Variants in IL1RAPL2 observed in about 807,000 individuals in gnomAD.
IL1RAPL2 encodes interleukin 1 receptor accessory protein like 2.
IL1RAPL2 carries 3 observed loss-of-function variants against 44.1 expected under a neutral mutation model. That is an observed-to-expected ratio of 0.07 (90% confidence interval 0.03 to 0.18). The LOEUF is 0.18. IL1RAPL2 is among the 10% of genes least tolerant of loss of function. The probability of loss-of-function intolerance (pLI) is 1.00; values close to 1 mark genes in which losing one functional copy is unlikely to be tolerated. For missense variants in IL1RAPL2, 391 were observed against 496.4 expected, an observed-to-expected ratio of 0.79 and a Z score of 2.02; for synonymous variants, 181 against 178.8, an observed-to-expected ratio of 1.01 and a Z score of -0.10.
intron 6 of IL1RAPL2, among the ~76,000 whole-genome samples, chrX:105,666,933 C>A (rs1384661382): frequency 8.9e-6 from 1 of 111,773 alleles, no homozygotes; most frequent in African/African-American, 3.3e-5. Context: ...ACATCACGCG[C>A]TGTTGGCTCA....
intron 1 of IL1RAPL2, among the ~76,000 whole-genome samples, chrX:104,590,519 C>A (rs1309925736): frequency 8.9e-6 from 1 of 112,119 alleles, no homozygotes; most frequent in Non-Finnish European, 1.9e-5. Flanking sequence ...CATAGTCTTT[C>A]TTCCCCTATC....
At chrX:105,482,896 AG>A (rs748514507) in intron 5 of IL1RAPL2, among the ~76,000 whole-genome samples, 83 of 110,776 alleles carry the variant, frequency 7.5e-4, no homozygotes, top group African/African-American at 2.6e-3. Context: ...ACATAAATAC[AG>A]AATCAGTTAA....
At chrX:105,484,224 C>T (rs1200718240) in intron 5 of IL1RAPL2, 89 bp from the exon 6 acceptor site, 4 of 714,068 alleles carry the variant, frequency 5.6e-6, no homozygotes, top group Non-Finnish European at 8.9e-6. Context: ...ATCAAGTCTA[C>T]AAACATTAAA....
chrX:105,409,852 A>ACAGG (rs2035680843), intron 5 of IL1RAPL2, among the ~76,000 whole-genome samples: 3 of 80,540 alleles, frequency 3.7e-5, no homozygotes, highest in African/African-American at 1.2e-4. Flanking sequence ...AGATAGACAG[A>ACAGG]CAGACAGACA....
At chrX:105,005,725 A>T (rs2030930714) in intron 2 of IL1RAPL2, among the ~76,000 whole-genome samples, 1 of 110,765 alleles carries the variant, frequency 9.0e-6, no homozygotes, top group African/African-American at 3.3e-5. Flanking sequence ...TTCATAAAGA[A>T]TAGTCAATAT....
At chrX:105,227,212 A>G (rs905750062) in intron 3 of IL1RAPL2, among the ~76,000 whole-genome samples, 1 of 111,145 alleles carries the variant, frequency 9.0e-6, no homozygotes, top group Non-Finnish European at 1.9e-5. Flanking sequence ...CCTAAAACTT[A>G]AAGTATAATA....
chrX:105,569,120 AC>A (rs1316685491), intron 6 of IL1RAPL2, among the ~76,000 whole-genome samples: 1 of 112,173 alleles, frequency 8.9e-6, no homozygotes, highest in Non-Finnish European at 1.9e-5. Context: ...CATCCTGCCA[AC>A]AAAAGAAACA....
chrX:105,304,174 A>G (rs1412466063), intron 5 of IL1RAPL2, among the ~76,000 whole-genome samples: 3 of 112,765 alleles, frequency 2.7e-5, no homozygotes, highest in African/African-American at 9.7e-5. Context: ...TCATTGCCCA[A>G]TGCACACAGC....
intron 2 of IL1RAPL2, among the ~76,000 whole-genome samples, chrX:104,953,949 G>A (rs532407093): frequency 1.2e-4 from 13 of 111,660 alleles, no homozygotes; most frequent in African/African-American, 2.9e-4. Flanking sequence ...GAACAGTAGT[G>A]AGGAGGATAG....
chrX:104,590,021 T>C (rs1427264127), intron 1 of IL1RAPL2, among the ~76,000 whole-genome samples: 1 of 111,635 alleles, frequency 9.0e-6, no homozygotes, highest in Admixed American at 9.5e-5. Context: ...CTACCATCCA[T>C]AGTAGCCTAA....
chrX:104,848,086 A>T (rs931460508), intron 2 of IL1RAPL2, among the ~76,000 whole-genome samples: 8 of 109,865 alleles, frequency 7.3e-5, no homozygotes, highest in Non-Finnish European at 1.3e-4. Context: ...GCTTAAGGAG[A>T]TTTTGGGCTG....
Position 105,438,282 on chromosome X carries a change from A to C in IL1RAPL2, c.698-46031A>C, listed in dbSNP as rs151242560. 7.8e-3 allele frequency among the ~76,000 whole-genome samples: 872 copies of C among 111,303 alleles called. 9 individuals are homozygous for C. Among genetic ancestry groups the C allele is most frequent in the African/African-American group, 0.027 (836 of 30,611 alleles). ...CCTGGTTAAGTACCAGATAATGGGT[A>C]TGTGCCAAAGATTAAGGGGAGCCTT... On this transcript the variant is annotated intron_variant, in intron 5 of 10. Transcript: ENST00000372582.
chrX:105,544,315 C>A (rs1217704060), intron 6 of IL1RAPL2, among the ~76,000 whole-genome samples: 1 of 109,720 alleles, frequency 9.1e-6, no homozygotes, highest in African/African-American at 3.3e-5. Context: ...GATTCCATAT[C>A]TCTTTTTAGA....
intron 2 of IL1RAPL2, among the ~76,000 whole-genome samples, chrX:105,012,674 C>CACACACACACACACAG (rs1258556672): frequency 1.5e-4 from 12 of 81,282 alleles, no homozygotes; most frequent in African/African-American, 6.5e-4. Flanking sequence ...CACACACACA[C>CACACACACACACACAG]AGAGAGAGAG....
intron 1 of IL1RAPL2, among the ~76,000 whole-genome samples, chrX:104,642,314 T>C (rs1004607156): frequency 8.9e-6 from 1 of 112,096 alleles, no homozygotes. Context: ...TAATCAGCCA[T>C]CTTGAAGCTC....
At chrX:105,606,650 G>A (rs769665820) in intron 6 of IL1RAPL2, among the ~76,000 whole-genome samples, 2 of 111,635 alleles carry the variant, frequency 1.8e-5, no homozygotes, top group Non-Finnish European at 3.8e-5. Flanking sequence ...TTGCATCAAC[G>A]TTAAGTGTCC....
intron 5 of IL1RAPL2, among the ~76,000 whole-genome samples, chrX:105,447,235 T>A (rs1177362173): frequency 0.013 from 23 of 1,830 alleles, no homozygotes; most frequent in African/African-American, 0.042. Context: ...TATAAATATA[T>A]ATATAAATAT....
intron 1 of IL1RAPL2, among the ~76,000 whole-genome samples, chrX:104,594,443 A>G (rs761849043): frequency 3.6e-5 from 4 of 111,320 alleles, no homozygotes; most frequent in Non-Finnish European, 7.5e-5. Flanking sequence ...TTGTCTGTCA[A>G]TCAGCTTCTG....
chrX:105,185,587 T>C (rs1556133409), intron 2 of IL1RAPL2, among the ~76,000 whole-genome samples: 1 of 111,373 alleles, frequency 9.0e-6, no homozygotes, highest in African/African-American at 3.3e-5. Context: ...ATTGGGTATC[T>C]TGTTAATGAG....
Sources: allele counts gnomAD v4.1 joint callset (sites outside exome capture counted in the v4.1 genomes callset), GRCh38; gene constraint gnomAD v4.1.1; transcripts MANE v1.5; gene names NCBI Gene and HGNC (gene_info 2026-07-23, HGNC 2026-07-21).